Variants in PLEKHM3 observed in about 807,000 individuals in gnomAD.
The protein encoded by PLEKHM3 is pleckstrin homology domain containing M3.
Under a neutral mutation model 81.8 loss-of-function variants are expected in PLEKHM3, and 45 were observed. The ratio of observed to expected loss-of-function variants is 0.55; its 90% confidence interval spans 0.43 to 0.71. The LOEUF (loss-of-function observed/expected upper bound fraction) is 0.71. Among genes scored for constraint, PLEKHM3 ranks in the 30% least tolerant of loss-of-function variants. The pLI is 0.00. For synonymous variants in PLEKHM3, 352 were observed against 356.4 expected, an observed-to-expected ratio of 0.99 and a Z score of 0.14; for missense variants, 788 against 924.3, an observed-to-expected ratio of 0.85 and a Z score of 1.91.
chr2:207,871,155 T>C (rs569943827), intron 6 of PLEKHM3, among the ~76,000 whole-genome samples: 30 of 152,188 alleles, frequency 2.0e-4, no homozygotes, highest in Non-Finnish European at 4.3e-4. Context: ...GATATTCCTA[T>C]TTCAAAAAGT....
chr2:207,960,709 G>A (rs1166208528), intron 3 of PLEKHM3, among the ~76,000 whole-genome samples: 2 of 152,200 alleles, frequency 1.3e-5, no homozygotes, highest in Non-Finnish European at 2.9e-5. Flanking sequence ...ATTGAGAGAT[G>A]AAGATCACAC....
intron 7 of PLEKHM3, among the ~76,000 whole-genome samples, chr2:207,832,169 AAAAAAAATT>A: frequency 6.6e-6 from 1 of 152,232 alleles, no homozygotes; most frequent in African/African-American, 2.4e-5. Flanking sequence ...GCATGAGATA[AAAAAAAATT>A]AATGATTTCA....
chr2:208,009,206 A>G (rs1363280442), intron 1 of PLEKHM3, among the ~76,000 whole-genome samples: 1 of 152,096 alleles, frequency 6.6e-6, no homozygotes, highest in African/African-American at 2.4e-5. Flanking sequence ...TTCAATTCAC[A>G]CACTCTTTAC....
In PLEKHM3 at chr2:207,946,455, C is replaced by T; in HGVS notation, c.1604G>A (p.Gly535Glu). 1 of 1,614,068 alleles carries T rather than the reference C, an allele frequency of 6.2e-7. No homozygotes were observed. The highest frequency in any genetic ancestry group is 8.5e-7 in the Non-Finnish European group (1 of 1,179,976). Residue 535 changes from glycine to glutamate, a missense_variant, in exon 4 of 8, where the codon GGG becomes GAG. Physicochemically the swap from Gly to Glu is moderately conservative, Grantham distance 98. Transcript: ENST00000427836. ...GTGGCAGCTACTGCAGTAATACCAC[C>T]CACTGTAGTTGCACACCTTGGCTTT... ...NGKAKVCNYS[G>E]WYYCSSCHVD...
At chr2:207,855,274 G>C (rs2092431891) in intron 7 of PLEKHM3, among the ~76,000 whole-genome samples, 1 of 152,166 alleles carries the variant, frequency 6.6e-6, no homozygotes, top group East Asian at 1.9e-4. Flanking sequence ...GGTGGGGTAT[G>C]TCAAGGGAAC....
intron 7 of PLEKHM3, among the ~76,000 whole-genome samples, chr2:207,847,539 G>A (rs1236295576): frequency 2.0e-5 from 3 of 152,276 alleles, no homozygotes; most frequent in Admixed American, 2.0e-4. Context: ...TGGGCTTCAA[G>A]TTTCCCACCC....
chr2:207,849,602 CT>C (rs2092401913), intron 7 of PLEKHM3, among the ~76,000 whole-genome samples: 1 of 152,166 alleles, frequency 6.6e-6, no homozygotes, highest in Non-Finnish European at 1.5e-5. Flanking sequence ...GGAAGAACAC[CT>C]CCTCTGATGC....
At chr2:208,012,191 G>A (rs759406843) in intron 1 of PLEKHM3, among the ~76,000 whole-genome samples, 3 of 151,976 alleles carry the variant, frequency 2.0e-5, no homozygotes, top group South Asian at 2.1e-4. Flanking sequence ...ACAGGTGCCC[G>A]CCACCACGCC....
intron 6 of PLEKHM3, among the ~76,000 whole-genome samples, chr2:207,886,340 T>TA (rs1477652114): frequency 6.6e-6 from 1 of 152,092 alleles, no homozygotes; most frequent in Non-Finnish European, 1.5e-5. Flanking sequence ...CAATTAAAAG[T>TA]AACTGAAAGC....
chr2:207,857,322 CT>C (rs2092442010), intron 7 of PLEKHM3, among the ~76,000 whole-genome samples: 1 of 152,158 alleles, frequency 6.6e-6, no homozygotes, highest in African/African-American at 2.4e-5. Flanking sequence ...AAAAATGAAT[CT>C]GGACACTCTT....
chr2:207,852,706 A>T, intron 7 of PLEKHM3: 1 of 404,872 alleles, frequency 2.5e-6, no homozygotes, highest in Admixed American at 3.6e-5. Flanking sequence ...GAGGGGAGGG[A>T]GGCAGGGAAA....
intron 1 of PLEKHM3, among the ~76,000 whole-genome samples, chr2:208,008,278 T>G (rs559578577): frequency 1.3e-5 from 2 of 151,530 alleles, no homozygotes. Flanking sequence ...ATAATTTTTT[T>G]CCAGTTCTAA....
chr2:207,996,745 A>G (rs1692133610), intron 2 of PLEKHM3, among the ~76,000 whole-genome samples: 1 of 152,186 alleles, frequency 6.6e-6, no homozygotes, highest in Admixed American at 6.5e-5. Context: ...AGGAAGGCCA[A>G]TTCATTTCAA....
chr2:208,019,207 G>T (rs138228871), intron 1 of PLEKHM3, among the ~76,000 whole-genome samples: 1,685 of 152,240 alleles, frequency 0.011, 21 homozygotes, highest in Non-Finnish European at 0.018. Flanking sequence ...GCAGTAGGCT[G>T]AGGTAGGAGG....
chr2:207,907,030 T>C (rs936172972), intron 6 of PLEKHM3, among the ~76,000 whole-genome samples: 1 of 152,128 alleles, frequency 6.6e-6, no homozygotes, highest in African/African-American at 2.4e-5. Flanking sequence ...CTGAAAGTTG[T>C]CACAATTATT....
At chr2:207,888,152 G>T (rs1355237903) in intron 6 of PLEKHM3, among the ~76,000 whole-genome samples, 1 of 151,844 alleles carries the variant, frequency 6.6e-6, no homozygotes, top group African/African-American at 2.4e-5. Flanking sequence ...TTTTCCTGCT[G>T]TTCCTTTTTG....
chr2:207,996,267 A>C (rs943436160), intron 2 of PLEKHM3, among the ~76,000 whole-genome samples: 2 of 152,120 alleles, frequency 1.3e-5, no homozygotes, highest in African/African-American at 4.8e-5. Flanking sequence ...GCCTATGTTC[A>C]TTTTTCAGTA....
chr2:207,974,489 T>C (rs1691235292), intron 3 of PLEKHM3, among the ~76,000 whole-genome samples: 1 of 152,164 alleles, frequency 6.6e-6, no homozygotes, highest in South Asian at 2.1e-4. Context: ...AGAAAGTTTC[T>C]TGATTCAGCT....
intron 5 of PLEKHM3, among the ~76,000 whole-genome samples, chr2:207,930,338 T>C (rs1013371865): frequency 6.6e-6 from 1 of 152,122 alleles, no homozygotes. Context: ...TCCCAACACT[T>C]TGGGAGGCTG....
Sources: allele counts gnomAD v4.1 joint callset (sites outside exome capture counted in the v4.1 genomes callset), GRCh38; gene constraint gnomAD v4.1.1; transcripts MANE v1.5; gene names NCBI Gene and HGNC (gene_info 2026-07-23, HGNC 2026-07-21).